Variants in ROBO2 observed in about 807,000 individuals in gnomAD.
ROBO2 encodes the protein roundabout guidance receptor 2.
Under a neutral mutation model 160.8 loss-of-function variants are expected in ROBO2, and 53 were observed. The observed-to-expected ratio is 0.33, with a 90% CI of 0.26 to 0.41. ROBO2 has a LOEUF of 0.41. Among genes scored for constraint, ROBO2 ranks in the 10% least tolerant of loss-of-function variants. ROBO2 has a pLI of 1.00. For synonymous variants in ROBO2, 664 were observed against 611.7 expected, an observed-to-expected ratio of 1.09 and a Z score of -1.26; for missense variants, 1,577 against 1,722.4, an observed-to-expected ratio of 0.92 and a Z score of 1.49.
intron 2 of ROBO2, among the ~76,000 whole-genome samples, chr3:77,432,055 C>T (rs953559301): frequency 1.3e-5 from 2 of 152,112 alleles, no homozygotes; most frequent in Non-Finnish European, 2.9e-5. Flanking sequence ...TTCTCTGCAG[C>T]ATATAATGAA....
At chr3:77,317,341 G>T in intron 2 of ROBO2, 1 of 806,056 alleles carries the variant, frequency 1.2e-6, no homozygotes, top group South Asian at 1.5e-5. Context: ...CGTGCAAGCT[G>T]ACCGTCCACG....
At chr3:76,655,459 T>TATATATATATATATATATA (rs1382812450) in intron 2 of ROBO2, among the ~76,000 whole-genome samples, 30 of 133,278 alleles carry the variant, frequency 2.3e-4, no homozygotes, top group East Asian at 7.3e-4. Context: ...TATATATGGA[T>TATATATATATATATATATA]TTTTTTCCCT....
rs552222808 is a variant in ROBO2 at position 76,036,574 on chromosome 3, G to A, written c.109+98972G>A. ...GGCTGGAGCTCAATGGCGTGATCTC[G>A]GCTCACCGCAACCTCTGCCTCCCAG... On this transcript the variant is annotated intron_variant, in intron 2 of 26. Transcript: ENST00000487694. Among the ~76,000 whole-genome samples, 8 of 148,508 alleles carry A rather than the reference G, an allele frequency of 5.4e-5. 1 individual carries two copies. The highest frequency in any genetic ancestry group is 2.0e-4 in the African/African-American group (8 of 40,112).
At chr3:76,832,576 G>A (rs1262262731) in intron 2 of ROBO2, among the ~76,000 whole-genome samples, 1 of 152,134 alleles carries the variant, frequency 6.6e-6, no homozygotes, top group African/African-American at 2.4e-5. Flanking sequence ...ATGGAGGTAG[G>A]CTTCTAGAAT....
At chr3:77,317,686 G>T (rs2064155811) in intron 2 of ROBO2, 2 of 36,708 alleles carry the variant, frequency 5.4e-5, no homozygotes, top group African/African-American at 1.2e-4. Flanking sequence ...CTGCTGGGGG[G>T]CTACTAGGGG....
At chr3:76,620,120 G>A (rs1244072352) in intron 2 of ROBO2, among the ~76,000 whole-genome samples, 1 of 152,048 alleles carries the variant, frequency 6.6e-6, no homozygotes, top group Admixed American at 6.6e-5. Context: ...ATAACCTCAT[G>A]TTTTCTTTTA....
chr3:77,465,469 G>A (rs2082674427), intron 2 of ROBO2, among the ~76,000 whole-genome samples: 1 of 152,106 alleles, frequency 6.6e-6, no homozygotes, highest in Admixed American at 6.6e-5. Flanking sequence ...GAGAAACAGG[G>A]TAGCCCAGGG....
At chr3:76,603,873 A>C (rs528327182) in intron 2 of ROBO2, among the ~76,000 whole-genome samples, 1 of 152,288 alleles carries the variant, frequency 6.6e-6, no homozygotes, top group Non-Finnish European at 1.5e-5. Flanking sequence ...GTCAAAATTA[A>C]ATATACATAT....
chr3:77,613,889 C>T (rs544391043), intron 21 of ROBO2, among the ~76,000 whole-genome samples: 2 of 151,936 alleles, frequency 1.3e-5, no homozygotes, highest in African/African-American at 4.8e-5. Context: ...ATCAAGGAAA[C>T]CTTCATACAA....
chr3:76,555,432 G>T (rs201110862), intron 2 of ROBO2, among the ~76,000 whole-genome samples: 1 of 91,614 alleles, frequency 1.1e-5, no homozygotes, highest in African/African-American at 3.3e-5. Flanking sequence ...AAGGAGAAGG[G>T]GAAGGGGAAG....
At chr3:76,419,452 T>A (rs541156315) in intron 2 of ROBO2, among the ~76,000 whole-genome samples, 16 of 152,020 alleles carry the variant, frequency 1.1e-4, no homozygotes, top group South Asian at 2.1e-4. Context: ...TTTTTTTTTT[T>A]AAATTTAACC....
intron 2 of ROBO2, among the ~76,000 whole-genome samples, chr3:76,914,833 G>C (rs181456919): frequency 6.6e-6 from 1 of 152,244 alleles, no homozygotes; most frequent in East Asian, 1.9e-4. Flanking sequence ...AACAGAGTAA[G>C]AATTTAGAAA....
At chr3:77,637,189 G>A (rs2095278162) in intron 24 of ROBO2, among the ~76,000 whole-genome samples, 1 of 152,180 alleles carries the variant, frequency 6.6e-6, no homozygotes, top group Non-Finnish European at 1.5e-5. Flanking sequence ...CTCCACAAGT[G>A]AATCTAAAGT....
chr3:77,037,607 A>G (rs533340295), upstream of ROBO2, among the ~76,000 whole-genome samples: 2 of 152,296 alleles, frequency 1.3e-5, no homozygotes, highest in South Asian at 4.1e-4. Context: ...CTAAAGGACC[A>G]TGGCAATTGG....
At chr3:76,309,975 C>T (rs1165444591) in intron 2 of ROBO2, among the ~76,000 whole-genome samples, 3 of 152,024 alleles carry the variant, frequency 2.0e-5, no homozygotes, top group Non-Finnish European at 4.4e-5. Context: ...AGGCGTACCA[C>T]CATGCATGGC....
At chr3:76,227,405 A>T (rs983799739) in intron 2 of ROBO2, among the ~76,000 whole-genome samples, 2 of 152,178 alleles carry the variant, frequency 1.3e-5, no homozygotes, top group African/African-American at 4.8e-5. Flanking sequence ...GTCTCTTTTT[A>T]AAAGTATTTG....
chr3:77,407,720 C>T (rs1015741632), intron 2 of ROBO2, among the ~76,000 whole-genome samples: 7 of 152,228 alleles, frequency 4.6e-5, no homozygotes, highest in East Asian at 1.9e-4. Context: ...AAACTATGTT[C>T]GCAGTTTTAA....
intron 2 of ROBO2, among the ~76,000 whole-genome samples, chr3:77,120,290 G>T (rs1314640289): frequency 1.3e-5 from 2 of 152,152 alleles, no homozygotes; most frequent in Admixed American, 1.3e-4. Flanking sequence ...TGTTGATATA[G>T]CAATCTAATA....
At chr3:77,029,767 A>G (rs891243719) in intron 2 of ROBO2, among the ~76,000 whole-genome samples, 5 of 152,212 alleles carry the variant, frequency 3.3e-5, no homozygotes, top group Non-Finnish European at 5.9e-5. Context: ...TATAATCAGA[A>G]ACCACTGGCC....
Sources: gnomAD v4.1 joint callset for allele counts (sites outside exome capture counted in the v4.1 genomes callset) on GRCh38, gnomAD v4.1.1 for gene constraint, MANE v1.5 for transcripts, NCBI Gene and HGNC (gene_info 2026-07-23, HGNC 2026-07-21) for gene names.